Variants in CNKSR1 observed in about 807,000 individuals in gnomAD.
CNKSR1 encodes CNK homolog protein 1.
Under a neutral mutation model 95.6 loss-of-function variants are expected in CNKSR1, and 88 were observed. That is an observed-to-expected ratio of 0.92 (90% CI 0.78 to 1.10). The LOEUF is 1.10. CNKSR1 is among the 50% of genes least tolerant of loss of function. The probability of loss-of-function intolerance (pLI) is 0.00; values close to 1 mark genes in which losing one functional copy is unlikely to be tolerated. For missense variants in CNKSR1, 836 were observed against 912.0 expected, an observed-to-expected ratio of 0.92 and a Z score of 1.07; for synonymous variants, 355 against 369.7, an observed-to-expected ratio of 0.96 and a Z score of 0.46.
At position 26,188,523 on chromosome 1, in the gene CNKSR1, G is replaced by C; in HGVS notation, c.1590+20G>C. ...GCCTCGGTGAGTGGGGGGCTGCCGG[G>C]GGTAGGAGGTGGGGATAAACAACAG... On this transcript the variant is annotated intron_variant, in intron 18 of 20. Coordinates refer to ENST00000361530, the MANE Select transcript of CNKSR1 (RefSeq NM_006314.3). The C allele has an allele frequency of 1.9e-6, 3 of 1,603,898 alleles. No homozygotes were observed. Among genetic ancestry groups the C allele is most frequent in the Non-Finnish European group, 2.6e-6 (3 of 1,175,572 alleles).
rs1356938174 is a variant in CNKSR1, at chr1:26,184,448, C to T, written c.1048C>T (p.Pro350Ser). The T allele has an allele frequency of 2.5e-6, 4 of 1,613,582 alleles. No homozygotes were observed. Among genetic ancestry groups the T allele is most frequent in the Non-Finnish European group, 3.4e-6 (4 of 1,179,890 alleles). Reference sequence around the variant, plus strand: ...GCCCCTGCCCATCCCCCCGGAACCCCCAGCCATACTCCCAGCAGGGGTAGC... The same window carrying T: ...GCCCCTGCCCATCCCCCCGGAACCCTCAGCCATACTCCCAGCAGGGGTAGC... ...PEPLPIPPEP[P>S]AILPAGVAGT... Residue 350 changes from proline (P) to serine (S), a missense_variant, in exon 12 of 21, where the codon CCA becomes TCA. Transcript: ENST00000361530.
intron 1 of CNKSR1, 26 bp from the exon 2 acceptor site, chr1:26,180,427 C>G: frequency 6.2e-7 from 1 of 1,613,102 alleles, no homozygotes; most frequent in South Asian, 1.1e-5. Flanking sequence ...TCTGCTTCCC[C>G]GAGCTGAGCC....
rs2088715295 is a variant in CNKSR1, at chr1:26,184,615, A to T, written c.1135+3A>T. On this transcript the variant is annotated splice_donor_region_variant and intron_variant, in intron 13 of 20. Coordinates refer to ENST00000361530, the MANE Select transcript of CNKSR1 (RefSeq NM_006314.3). ...TGTTGGTCGGAAGAAATCAAAAGGT[A>T]TGAGGTGCGCTGGACTAGGTGGGGG... 6.2e-7 allele frequency: 1 copy of T among 1,600,486 alleles called. No individual in the cohort carries two copies. The highest frequency in any genetic ancestry group is 8.5e-7 in the Non-Finnish European group (1 of 1,173,798).
rs767401999 is a variant in CNKSR1 at position 26,189,825 on chromosome 1, G to A, written c.*277G>A. 21 of 660,388 alleles carry A rather than the reference G, an allele frequency of 3.2e-5. No individual in the cohort carries two copies. Among genetic ancestry groups the A allele is most frequent in the African/African-American group, 5.4e-5 (3 of 55,924 alleles). The allele number at this position is 660,388 out of a possible 1,614,324, so 40.9% of individuals were successfully genotyped here. A position where few individuals can be genotyped will look rare whatever the true frequency, so the allele number is the denominator to read the frequency against. ...TCTCCCCCAAACCAGGTCTGTACAG[G>A]TGTTCTTTATTTTACATGAGGGCTA... On this transcript the variant is annotated 3_prime_UTR_variant, in exon 21 of 21. Coordinates refer to ENST00000361530, the MANE Select transcript of CNKSR1 (RefSeq NM_006314.3).
chr1:26,180,665 T>G, intron 2 of CNKSR1, 50 bp from the exon 3 acceptor site: 2 of 1,613,948 alleles, frequency 1.2e-6, no homozygotes, highest in Non-Finnish European at 1.7e-6. Context: ...GGGGGTGTGA[T>G]GGGGGGCTGG....
At chr1:26,178,535 G>A (rs1361133713) in intron 1 of CNKSR1, among the ~76,000 whole-genome samples, 2 of 152,220 alleles carry the variant, frequency 1.3e-5, no homozygotes, top group Non-Finnish European at 2.9e-5. Flanking sequence ...GCGACCAGGA[G>A]CAGGCAGTCA....
chr1:26,184,041 T>A, intron 9 of CNKSR1, 30 bp from the exon 10 acceptor site: 1 of 1,554,750 alleles, frequency 6.4e-7, no homozygotes. Context: ...GACCCCTGTC[T>A]CCATTGCTTT....
In CNKSR1 at chr1:26,188,513, G is replaced by C. The variant is rs1035621933; in HGVS notation, c.1590+10G>C. ...GTCCCACTCAGCCTCGGTGAGTGGG[G>C]GGCTGCCGGGGGTAGGAGGTGGGGA... On this transcript the variant is annotated intron_variant, in intron 18 of 20. Transcript: ENST00000361530. 1.2e-6 allele frequency: 2 copies of C among 1,600,758 alleles called. No individual in the cohort carries two copies. Among genetic ancestry groups the C allele is most frequent in the African/African-American group, 2.7e-5 (2 of 74,714 alleles).
chr1:26,177,525 A>T lies in CNKSR1; in HGVS notation c.-23A>T. The stretch of plus-strand genomic sequence containing the variant: ...CGACAGCAGGGCAAAACAGGAGCTG[A>T]TTCGAGCTGGCAGAGCTGGGCCATG... On this transcript the variant is annotated 5_prime_UTR_variant, in exon 1 of 21. Coordinates refer to ENST00000361530, the MANE Select transcript of CNKSR1 (RefSeq NM_006314.3). 2 of 1,613,848 alleles carry T rather than the reference A, an allele frequency of 1.2e-6. No homozygotes were observed. The highest frequency in any genetic ancestry group is 1.7e-6 in the Non-Finnish European group (2 of 1,179,934).
chr1:26,186,695 C>T (rs150587528), intron 14 of CNKSR1, among the ~76,000 whole-genome samples: 2,504 of 151,968 alleles, frequency 0.016, 47 homozygotes, highest in African/African-American at 0.055. Context: ...AGGCTGGTCT[C>T]GAACTCCTGA....
chr1:26,187,599 A>G (rs1325694382), intron 16 of CNKSR1, 117 bp downstream of exon 16: 4 of 961,972 alleles, frequency 4.2e-6, no homozygotes, highest in South Asian at 3.9e-5. Flanking sequence ...GTGGTTGGTC[A>G]AGATACTCAC....
At chr1:26,185,517 C>T (rs1212259637) in intron 14 of CNKSR1, among the ~76,000 whole-genome samples, 2 of 151,410 alleles carry the variant, frequency 1.3e-5, no homozygotes, top group African/African-American at 4.9e-5. Context: ...CTCAGCCTCC[C>T]GAGCAGCTGG....
intron 13 of CNKSR1, 101 bp from the exon 14 acceptor site, chr1:26,184,913 T>C: frequency 8.2e-7 from 1 of 1,221,184 alleles, no homozygotes. Context: ...GAGTGTGGGT[T>C]CAGAGATCTC....
At position 26,187,074 on chromosome 1, in the gene CNKSR1, C is replaced by A. The variant is rs77391153; in HGVS notation, c.1309-94C>A. 3.9e-4 allele frequency: 362 copies of A among 932,840 alleles called. 2 individuals are homozygous for A. The East Asian group carries it at 7.0e-3, about 18-fold the overall frequency. The allele number at this position is 932,840 out of a possible 1,614,324, so 57.8% of individuals were successfully genotyped here. Reference sequence around the variant, plus strand: ...AGCCCAGGAGATGCCTTCTCCTCTCCACAACTCTCAGGAGCCCGAGGGGTA... The same window carrying A: ...AGCCCAGGAGATGCCTTCTCCTCTCAACAACTCTCAGGAGCCCGAGGGGTA... On this transcript the variant is annotated intron_variant, in intron 14 of 20. Transcript: ENST00000361530.
rs2088631677 is a variant in CNKSR1 at position 26,180,615 on chromosome 1, G to A, written c.210+5G>A. On this transcript the variant is annotated splice_donor_5th_base_variant and intron_variant, in intron 2 of 20. Coordinates refer to ENST00000361530, the MANE Select transcript of CNKSR1 (RefSeq NM_006314.3). ...GTGGAACAGCTCCAGGCCCTGGTGA[G>A]TGAATGCTGGTCACACTGGCTGCAG... The A allele has an allele frequency of 6.2e-7, 1 of 1,614,208 alleles. No individual in the cohort carries two copies. The highest frequency in any genetic ancestry group is 1.3e-5 in the African/African-American group (1 of 75,054).
At chr1:26,184,352 C>G in intron 11 of CNKSR1, 49 bp from the exon 12 acceptor site, 1 of 1,605,864 alleles carries the variant, frequency 6.2e-7, no homozygotes, top group African/African-American at 1.3e-5. Flanking sequence ...GACCCCAAGC[C>G]TGGGACTGGG....
At chr1:26,183,318 C>A (rs2088678889) in intron 7 of CNKSR1, 28 bp from the exon 8 acceptor site, 1 of 1,614,070 alleles carries the variant, frequency 6.2e-7, no homozygotes, top group African/African-American at 1.3e-5. Flanking sequence ...CAAGCCAGGC[C>A]AACCTCAGGC....
In CNKSR1 at chr1:26,184,258, C is replaced by G; in HGVS notation, c.971C>G (p.Pro324Arg). 6.2e-7 allele frequency: 1 copy of G among 1,613,826 alleles called. No homozygotes were observed. The highest frequency in any genetic ancestry group is 1.1e-5 in the South Asian group (1 of 91,052). ...TTTGCCTTTGACCTGTCTTCAAACC[C>G]CAGTCCCGGACCCAGCCCTGCCTGG... is the stretch of plus-strand genomic sequence containing the variant. The part of the protein sequence containing the change: ...DVFAFDLSSN[P>R]SPGPSPAWTD... The change falls in exon 11 of 21, where the codon CCC becomes CGC. Residue 324 changes from proline (P) to arginine (R), a missense_variant. Coordinates refer to ENST00000361530, the MANE Select transcript of CNKSR1 (RefSeq NM_006314.3).
intron 3 of CNKSR1, chr1:26,181,531 A>G: frequency 6.7e-6 from 2 of 299,794 alleles, no homozygotes; most frequent in Non-Finnish European, 1.3e-5. Context: ...TATACTATTA[A>G]TAAATAATAA....
Sources: allele counts gnomAD v4.1 joint callset (sites outside exome capture counted in the v4.1 genomes callset), GRCh38; gene constraint gnomAD v4.1.1; transcripts MANE v1.5; gene names NCBI Gene and HGNC (gene_info 2026-07-23, HGNC 2026-07-21).